Variants in RIPOR2 observed in about 807,000 individuals in gnomAD.
RIPOR2 encodes the protein rho family-interacting cell polarization regulator 2.
A neutral mutation model predicts 114.5 loss-of-function variants in RIPOR2; 39 were observed. The ratio of observed to expected loss-of-function variants is 0.34; its 90% CI spans 0.26 to 0.44. The LOEUF (loss-of-function observed/expected upper bound fraction) is 0.44. Ranked by LOEUF, RIPOR2 falls within the 20% of genes least tolerant of loss-of-function variation. The pLI, the probability that RIPOR2 is intolerant of heterozygous loss-of-function variation, is 1.00. For synonymous variants in RIPOR2, 445 were observed against 484.4 expected (o/e 0.92, Z 1.07); for missense variants, 1,007 against 1,255.1 (o/e 0.80, Z 2.99).
At chr6:24,847,191 G>A (rs535973849) in intron 12 of RIPOR2, among the ~76,000 whole-genome samples, 17 of 152,252 alleles carry the variant, frequency 1.1e-4, no homozygotes, top group African/African-American at 3.9e-4. Flanking sequence ...GAGCTCAAGC[G>A]ATCCACCCAC....
chr6:24,912,577 C>G (rs988705707), intron 1 of RIPOR2, among the ~76,000 whole-genome samples: 2 of 150,972 alleles, frequency 1.3e-5, no homozygotes, highest in African/African-American at 4.9e-5. Context: ...ATGGATGGTT[C>G]CAAACATTTC....
chr6:24,911,116 G>C (rs2114067045), intron 1 of RIPOR2: 1 of 353,354 alleles, frequency 2.8e-6, no homozygotes, highest in South Asian at 1.1e-4. Context: ...CGGGCGGAGG[G>C]GCGGGAGCCG....
chr6:25,000,240 C>T (rs1258087039), intron 1 of RIPOR2, among the ~76,000 whole-genome samples: 1 of 152,188 alleles, frequency 6.6e-6, no homozygotes, highest in East Asian at 1.9e-4. Flanking sequence ...CTTTCCTGAC[C>T]AATGAAGGTG....
intron 1 of RIPOR2, among the ~76,000 whole-genome samples, chr6:24,984,933 G>A (rs1205217440): frequency 6.6e-6 from 1 of 152,182 alleles, no homozygotes. Flanking sequence ...CATCATTGCT[G>A]CTGAGGCTGG....
At chr6:24,892,021 G>A (rs552211199) in intron 1 of RIPOR2, among the ~76,000 whole-genome samples, 5 of 152,216 alleles carry the variant, frequency 3.3e-5, no homozygotes, top group African/African-American at 9.6e-5. Context: ...GCCACCCCCA[G>A]CTAATTTTTG....
chr6:24,972,997 C>T (rs191530734), intron 1 of RIPOR2, among the ~76,000 whole-genome samples: 9 of 151,984 alleles, frequency 5.9e-5, no homozygotes, highest in South Asian at 4.2e-4. Flanking sequence ...GAGGGACATA[C>T]GTGCATCCCA....
chr6:24,870,790 A>T (rs1765086549), intron 5 of RIPOR2, 76 bp downstream of exon 5: 1 of 1,064,582 alleles, frequency 9.4e-7, no homozygotes, highest in African/African-American at 1.6e-5. Context: ...CTGGGATGAC[A>T]GGCGTGAGCC....
intron 1 of RIPOR2, among the ~76,000 whole-genome samples, chr6:24,965,915 T>C (rs1450559475): frequency 1.3e-5 from 2 of 152,208 alleles, no homozygotes; most frequent in Non-Finnish European, 2.9e-5. Context: ...CAAATTTGTT[T>C]CTTCTGTATT....
intron 1 of RIPOR2, among the ~76,000 whole-genome samples, chr6:24,934,006 A>G (rs1771587260): frequency 6.6e-6 from 1 of 152,212 alleles, no homozygotes; most frequent in East Asian, 1.9e-4. Context: ...GGGGCCACGC[A>G]TAATCCAGAG....
chr6:25,033,601 C>CTGTG (rs1335021080), intron 1 of RIPOR2, among the ~76,000 whole-genome samples: 2 of 152,210 alleles, frequency 1.3e-5, no homozygotes, highest in African/African-American at 2.4e-5. Context: ...TAGGAAGTAT[C>CTGTG]TGTGTCTGTC....
intron 1 of RIPOR2, among the ~76,000 whole-genome samples, chr6:25,000,336 A>G (rs1259395113): frequency 1.3e-5 from 2 of 152,208 alleles, no homozygotes; most frequent in East Asian, 3.8e-4. Flanking sequence ...ACTCCAATGT[A>G]AGAGTTCACC....
rs557675331 is a variant in RIPOR2 at position 24,945,696 on chromosome 6, A to C, written c.77-69879T>G. Among the ~76,000 whole-genome samples, 3 of 152,314 alleles carry C rather than the reference A, an allele frequency of 2.0e-5. No individual in the cohort carries two copies. The South Asian group carries it at 6.2e-4, about 32-fold the overall frequency. On this transcript the variant is annotated intron_variant, in intron 1 of 13. Transcript: ENST00000510784. ...TATTAATCTAAACTAGATTGCTATA[A>C]ATTAAGATGTTAATTGTAATCCCCA...
chr6:25,004,907 C>T (rs1345701277), intron 1 of RIPOR2, among the ~76,000 whole-genome samples: 1 of 151,556 alleles, frequency 6.6e-6, no homozygotes, highest in East Asian at 1.9e-4. Flanking sequence ...ATTTTAATTC[C>T]CCATTGTTTT....
intron 1 of RIPOR2, among the ~76,000 whole-genome samples, chr6:24,962,122 G>C (rs1425388110): frequency 6.6e-6 from 1 of 152,194 alleles, no homozygotes; most frequent in Non-Finnish European, 1.5e-5. Flanking sequence ...CTAACTAGCT[G>C]TAAGGTGGTG....
intron 1 of RIPOR2, among the ~76,000 whole-genome samples, chr6:24,893,186 T>C (rs1340435896): frequency 6.6e-6 from 1 of 152,258 alleles, no homozygotes; most frequent in African/African-American, 2.4e-5. Flanking sequence ...TGCCAATTTT[T>C]GTAACTGGGT....
At position 24,818,641 on chromosome 6, in the gene RIPOR2, G is replaced by T. The variant is rs1186013873; in HGVS notation, c.2869-16C>A. 1 of 1,521,342 alleles carries T rather than the reference G, an allele frequency of 6.6e-7. No individual in the cohort carries two copies. The highest frequency in any genetic ancestry group is 2.5e-5 in the East Asian group (1 of 40,540). The allele number at this position is 1,521,342 out of a possible 1,614,324, so 94.2% of individuals were successfully genotyped here. The stretch of plus-strand genomic sequence containing the variant: ...AGAGCAAGGCCTGAAAGAGAAGGAG[G>T]GACCTCATGAAGGCATTTTGGTTTG... On this transcript the variant is annotated splice_polypyrimidine_tract_variant and intron_variant, in intron 19 of 21. Transcript: ENST00000643898.
Position 24,877,501 on chromosome 6 carries a change from C to T in RIPOR2, c.62-1684G>A, listed in dbSNP as rs143650918. On this transcript the variant is annotated intron_variant, in intron 1 of 21. Transcript: ENST00000643898. ...GAATTTTAGAAGTAATGAAGAAGTA[C>T]GTATGAGCAGTAAAAGTAATATGTA... is the stretch of plus-strand genomic sequence containing the variant. 3.1e-4 allele frequency: 66 copies of T among 215,036 alleles called. 1 individual carries two copies. In the East Asian group the frequency reaches 0.012, roughly 38 times the overall value. The allele number at this position is 215,036 out of a possible 1,614,324, so 13.3% of individuals were successfully genotyped here.
chr6:24,886,478 T>C (rs1766845989), intron 1 of RIPOR2, among the ~76,000 whole-genome samples: 1 of 152,230 alleles, frequency 6.6e-6, no homozygotes, highest in African/African-American at 2.4e-5. Context: ...AGATGCTCCC[T>C]GTTTTGTCAT....
intron 1 of RIPOR2, among the ~76,000 whole-genome samples, chr6:24,933,412 G>T (rs769937124): frequency 6.6e-6 from 1 of 152,170 alleles, no homozygotes; most frequent in Non-Finnish European, 1.5e-5. Flanking sequence ...AGCCTAGACC[G>T]TGCAATTCCA....
Sources: gnomAD v4.1 joint callset for allele counts (sites outside exome capture counted in the v4.1 genomes callset) on GRCh38, gnomAD v4.1.1 for gene constraint, MANE v1.5 for transcripts, NCBI Gene and HGNC (gene_info 2026-07-23, HGNC 2026-07-21) for gene names.